SEPTIN2: variants seen among roughly 807,000 people sequenced by gnomAD.
SEPTIN2 encodes septin-2.
SEPTIN2 carries 34 observed loss-of-function variants against 46.5 expected under a neutral mutation model. The observed-to-expected ratio is 0.73, with a 90% CI of 0.56 to 0.97. The LOEUF is 0.97. Among genes scored for constraint, SEPTIN2 ranks in the 50% least tolerant of loss-of-function variants. The pLI, the probability that SEPTIN2 is intolerant of heterozygous loss-of-function variation, is 0.00. For synonymous variants in SEPTIN2, 175 were observed against 153.4 expected (o/e 1.14, Z -1.04); for missense variants, 347 against 448.4 (o/e 0.77, Z 2.04).
intron 1 of SEPTIN2, among the ~76,000 whole-genome samples, chr2:241,320,737 T>C (rs1002992039): frequency 2.0e-5 from 3 of 152,118 alleles, no homozygotes; most frequent in African/African-American, 7.2e-5. Flanking sequence ...TGTAGTGAGC[T>C]GAGATCGCGC....
At chr2:241,346,076 A>C in intron 9 of SEPTIN2, 90 bp from the exon 10 acceptor site, 2 of 838,122 alleles carry the variant, frequency 2.4e-6, no homozygotes, top group Non-Finnish European at 4.0e-6. Context: ...AATTACTGCT[A>C]TTTCTTCTAT....
chr2:241,335,258 A>G (rs528089538), intron 4 of SEPTIN2, 46 bp downstream of exon 4: 1 of 1,600,504 alleles, frequency 6.2e-7, no homozygotes, highest in Admixed American at 1.7e-5. Context: ...TACATGAAAG[A>G]TGCTGAAGAC....
chr2:241,348,714 C>T (rs1239757802), intron 11 of SEPTIN2, among the ~76,000 whole-genome samples: 1 of 151,790 alleles, frequency 6.6e-6, no homozygotes, highest in Non-Finnish European at 1.5e-5. Context: ...ATACATGATG[C>T]TTCATATATT....
chr2:241,343,095 T>G lies in SEPTIN2; in HGVS notation c.696+2T>G. 1 of 1,529,836 alleles carries G rather than the reference T, an allele frequency of 6.5e-7. No individual in the cohort carries two copies. The highest frequency in any genetic ancestry group is 9.0e-7 in the Non-Finnish European group (1 of 1,105,534). The allele number at this position is 1,529,836 out of a possible 1,614,324, so 94.8% of individuals were successfully genotyped here. A position where few individuals can be genotyped will look rare whatever the true frequency, so the allele number is the denominator to read the frequency against. ...AAAGAGCAGACTAGACTTCTCAAGGTAAGAACTGGCTTCAGATCCACAACA... is the reference window on the plus strand; with the variant it reads ...AAAGAGCAGACTAGACTTCTCAAGGGAAGAACTGGCTTCAGATCCACAACA... On this transcript the variant is annotated splice_donor_variant, in intron 8 of 12. Coordinates refer to ENST00000391971, the MANE Select transcript of SEPTIN2 (RefSeq NM_004404.5). LOFTEE classifies it high-confidence loss of function.
At chr2:241,338,890 ATATT>A (rs1046189880) in intron 7 of SEPTIN2, among the ~76,000 whole-genome samples, 39 of 82,972 alleles carry the variant, frequency 4.7e-4, no homozygotes, top group African/African-American at 2.1e-3. Flanking sequence ...TCTATAATAT[ATATT>A]ATATATATTA....
chr2:241,349,371 T>TA (rs569301265), intron 11 of SEPTIN2, among the ~76,000 whole-genome samples: 4,976 of 117,242 alleles, frequency 0.042, 102 homozygotes, highest in Non-Finnish European at 0.054. Flanking sequence ...CCCATCCCTT[T>TA]AAAAAAAAAA....
At chr2:241,349,932 G>T in intron 11 of SEPTIN2, 141 bp from the exon 12 acceptor site, 3 of 704,182 alleles carry the variant, frequency 4.3e-6, no homozygotes, top group African/African-American at 1.8e-5. Flanking sequence ...TTTATTGATT[G>T]GTAAAAAGTC....
intron 3 of SEPTIN2, among the ~76,000 whole-genome samples, chr2:241,332,571 A>G (rs1345393179): frequency 6.6e-6 from 1 of 152,248 alleles, no homozygotes; most frequent in Non-Finnish European, 1.5e-5. Flanking sequence ...CACAACCAGT[A>G]TGGAAGCCAG....
chr2:241,322,126 C>A (rs576947273), intron 1 of SEPTIN2, among the ~76,000 whole-genome samples: 1 of 152,184 alleles, frequency 6.6e-6, no homozygotes, highest in African/African-American at 2.4e-5. Context: ...ACACAGTATT[C>A]AGGAAGTTAA....
At position 241,350,213 on chromosome 2, in the gene SEPTIN2, G is replaced by A. The variant is rs759563424; in HGVS notation, c.*29+10G>A. ...TATCAAGAAGTCAGAGGTAGGCCCT[G>A]TTGTCCCTTAGCCTGGAAGACAGGC... is the stretch of plus-strand genomic sequence containing the variant. On this transcript the variant is annotated intron_variant, in intron 12 of 12. Coordinates refer to ENST00000391971, the MANE Select transcript of SEPTIN2 (RefSeq NM_004404.5). 2.8e-5 allele frequency: 42 copies of A among 1,518,882 alleles called. No homozygotes were observed. In the Middle Eastern group the frequency reaches 1.2e-3, roughly 44 times the overall value. The allele number at this position is 1,518,882 out of a possible 1,614,324, so 94.1% of individuals were successfully genotyped here.
At chr2:241,329,732 T>G (rs1187141984) in intron 3 of SEPTIN2, among the ~76,000 whole-genome samples, 6 of 152,234 alleles carry the variant, frequency 3.9e-5, no homozygotes, top group Non-Finnish European at 7.3e-5. Context: ...TTCCACTGGC[T>G]GGAACGGTAC....
chr2:241,337,252 T>G, intron 5 of SEPTIN2, 130 bp from the exon 6 acceptor site: 1 of 899,712 alleles, frequency 1.1e-6, no homozygotes, highest in South Asian at 1.9e-5. Context: ...AAAGTCAGTC[T>G]TCTGTTCTCA....
chr2:241,335,147 C>T lies in SEPTIN2; in HGVS notation c.152C>T (p.Ser51Leu), dbSNP rs768740731. Residue 51 changes from serine (S) to leucine (L), a missense_variant, in exon 4 of 13, where the codon TCG becomes TTG. Physicochemically the swap from Ser to Leu is moderately radical, Grantham distance 145. Coordinates refer to ENST00000391971, the MANE Select transcript of SEPTIN2 (RefSeq NM_004404.5). ...AAAGGTGAATCAGGTCTAGGAAAAT[C>T]GACTCTCATAAACAGCCTATTCCTA... is the stretch of plus-strand genomic sequence containing the variant. ...MVVGESGLGK[S>L]TLINSLFLTD... 5.6e-6 allele frequency: 9 copies of T among 1,613,178 alleles called. No individual in the cohort carries two copies. The highest frequency in any genetic ancestry group is 1.3e-5 in the African/African-American group (1 of 74,994).
Position 241,343,065 on chromosome 2 carries a change from A to G in SEPTIN2, c.668A>G (p.Asp223Gly), listed in dbSNP as rs756428717. The change falls in exon 8 of 13, where the codon GAT becomes GGT. Residue 223 changes from aspartate to glycine, a missense_variant. By Grantham distance (94) the Asp-to-Gly change is moderately conservative. Coordinates refer to ENST00000391971, the MANE Select transcript of SEPTIN2 (RefSeq NM_004404.5). ...GATGCAGAATCAGATGAAGATGAAG[A>G]TTTTAAAGAGCAGACTAGACTTCTC... The part of the protein sequence containing the change: ...LPDAESDEDE[D>G]FKEQTRLLKA... 2 of 1,607,410 alleles carry G rather than the reference A, an allele frequency of 1.2e-6. No homozygotes were observed. Among genetic ancestry groups the G allele is most frequent in the Non-Finnish European group, 1.7e-6 (2 of 1,174,252 alleles).
chr2:241,336,248 T>C, intron 5 of SEPTIN2, 150 bp downstream of exon 5: 2 of 854,572 alleles, frequency 2.3e-6, no homozygotes, highest in Non-Finnish European at 3.5e-6. Context: ...TGTTGACTTT[T>C]TAAATAAGGA....
Position 241,335,178 on chromosome 2 carries a change from T to A in SEPTIN2, c.183T>A (p.Asp61Glu), listed in dbSNP as rs760535912. 9 of 1,613,780 alleles carry A rather than the reference T, an allele frequency of 5.6e-6. No individual in the cohort carries two copies. Among genetic ancestry groups the A allele is most frequent in the Non-Finnish European group, 7.6e-6 (9 of 1,179,862 alleles). Reference sequence around the variant, plus strand: ...TCATAAACAGCCTATTCCTAACTGATCTGTACCCAGAAAGAGTCATACCTG... The same window carrying A: ...TCATAAACAGCCTATTCCTAACTGAACTGTACCCAGAAAGAGTCATACCTG... ...STLINSLFLTDLYPERVIPGA... is the reference protein window; with the variant it reads ...STLINSLFLTELYPERVIPGA... Residue 61 changes from aspartate to glutamate, a missense_variant, in exon 4 of 13, where the codon GAT (aspartate) becomes GAA (glutamate). By Grantham distance (45) the Asp-to-Glu change is conservative. Coordinates refer to ENST00000391971, the MANE Select transcript of SEPTIN2 (RefSeq NM_004404.5).
intron 3 of SEPTIN2, among the ~76,000 whole-genome samples, chr2:241,329,880 C>A (rs977126468): frequency 6.6e-6 from 1 of 152,196 alleles, no homozygotes; most frequent in African/African-American, 2.4e-5. Context: ...CAGGCTATGA[C>A]CTAATGCTTG....
At position 241,350,102 on chromosome 2, in the gene SEPTIN2, G is replaced by A. The variant is rs774550561; in HGVS notation, c.1014G>A (p.Arg338=). ...GCCGCATGCAAGAGATGATTGCAAGGATGCAGGCGCAGATGCAGATGCAGA... is the reference window on the plus strand; with the variant it reads ...GCCGCATGCAAGAGATGATTGCAAGAATGCAGGCGCAGATGCAGATGCAGA... ...ELRRMQEMIA[R]MQAQMQMQMQ... Residue 338 remains arginine, a synonymous_variant, in exon 12 of 13, where the codon AGG becomes AGA. Coordinates refer to ENST00000391971, the MANE Select transcript of SEPTIN2 (RefSeq NM_004404.5). 37 of 1,614,186 alleles carry A rather than the reference G, an allele frequency of 2.3e-5. No homozygotes were observed. Among genetic ancestry groups the A allele is most frequent in the Non-Finnish European group, 2.5e-5 (29 of 1,180,006 alleles).
intron 7 of SEPTIN2, among the ~76,000 whole-genome samples, chr2:241,338,987 TTTATA>T (rs1373858976): frequency 1.0e-4 from 11 of 110,186 alleles, no homozygotes; most frequent in African/African-American, 2.9e-4. Flanking sequence ...TATAAATATA[TTTATA>T]AATATATATA....
Sources: allele counts gnomAD v4.1 joint callset (sites outside exome capture counted in the v4.1 genomes callset), GRCh38; gene constraint gnomAD v4.1.1; transcripts MANE v1.5; gene names NCBI Gene and HGNC (gene_info 2026-07-23, HGNC 2026-07-21).